OCA2: variants seen among roughly 807,000 people sequenced by gnomAD.
OCA2 encodes the protein OCA2 melanosomal transmembrane protein, also known as P protein.
Under a neutral mutation model 100.2 loss-of-function variants are expected in OCA2, and 77 were observed. The observed-to-expected ratio is 0.77, with a 90% confidence interval of 0.64 to 0.93. The LOEUF (loss-of-function observed/expected upper bound fraction) is 0.93, where lower values mean the gene tolerates loss of function less well. OCA2 is among the 40% of genes least tolerant of loss of function. OCA2 has a pLI of 0.00. For missense variants in OCA2, 1,062 were observed against 1,089.1 expected, an observed-to-expected ratio of 0.98 and a Z score of 0.35; for synonymous variants, 432 against 439.2, an observed-to-expected ratio of 0.98 and a Z score of 0.21.
chr15:27,790,349 C>A (rs975149568), intron 23 of OCA2, among the ~76,000 whole-genome samples: 1 of 152,204 alleles, frequency 6.6e-6, no homozygotes, highest in African/African-American at 2.4e-5. Flanking sequence ...GCATAGCAAA[C>A]TACCTGGCCT....
chr15:27,849,812 T>C (rs750279009), intron 22 of OCA2, among the ~76,000 whole-genome samples: 10 of 152,148 alleles, frequency 6.6e-5, no homozygotes, highest in Non-Finnish European at 1.2e-4. Flanking sequence ...AGATGGTACA[T>C]TTTAGGTTAC....
intron 22 of OCA2, among the ~76,000 whole-genome samples, chr15:27,848,734 A>G (rs911695571): frequency 2.0e-5 from 3 of 152,376 alleles, no homozygotes; most frequent in Admixed American, 2.0e-4. Flanking sequence ...ACACTCTCAG[A>G]ACAGTGAGAT....
intron 2 of OCA2, among the ~76,000 whole-genome samples, chr15:28,066,817 TA>T (rs2044038681): frequency 6.6e-6 from 1 of 152,188 alleles, no homozygotes; most frequent in Non-Finnish European, 1.5e-5. Flanking sequence ...TTCATCTACT[TA>T]AAAAGAACTT....
chr15:27,733,793 T>A, the OCA2 span, among the ~76,000 whole-genome samples: 2 of 152,194 alleles, frequency 1.3e-5, no homozygotes, highest in South Asian at 4.1e-4. Flanking sequence ...ACATTTTATG[T>A]ACATTTAACT....
chr15:28,032,508 G>A (rs1347316229), intron 2 of OCA2, among the ~76,000 whole-genome samples: 7 of 152,042 alleles, frequency 4.6e-5, no homozygotes, highest in Admixed American at 6.5e-5. Context: ...TCAGAGGGAC[G>A]GGCGCGGTGG....
At chr15:28,055,371 G>A (rs1314712683) in intron 2 of OCA2, among the ~76,000 whole-genome samples, 1 of 152,140 alleles carries the variant, frequency 6.6e-6, no homozygotes, top group African/African-American at 2.4e-5. Context: ...TGCAAAAGAA[G>A]CCTCGTCAAG....
chr15:27,890,959 A>G (rs547583270), intron 19 of OCA2, among the ~76,000 whole-genome samples: 1 of 152,042 alleles, frequency 6.6e-6, no homozygotes, highest in East Asian at 1.9e-4. Flanking sequence ...TGGGAGGCAG[A>G]GGTGGCAGTG....
intron 19 of OCA2, among the ~76,000 whole-genome samples, chr15:27,880,298 T>C (rs1455104985): frequency 3.9e-5 from 6 of 152,252 alleles, no homozygotes; most frequent in African/African-American, 1.4e-4. Context: ...TGCTGCCAGC[T>C]TTGTTCTTTT....
chr15:28,013,768 C>T (rs1285089384), intron 9 of OCA2, among the ~76,000 whole-genome samples: 2 of 152,094 alleles, frequency 1.3e-5, no homozygotes, highest in African/African-American at 4.8e-5. Flanking sequence ...GACAGCTGCC[C>T]CTGAGCCTGC....
Position 28,018,439 on chromosome 15 carries a change from G to GGTCA in OCA2, c.761_764dup (p.Gln256AspfsTer4). 2 of 1,614,092 alleles carry GGTCA rather than the reference G, an allele frequency of 1.2e-6. No homozygotes were observed. The highest frequency in any genetic ancestry group is 1.7e-6 in the Non-Finnish European group (2 of 1,180,018). ...ACCTGGAGCCCAAAGCGTCAGCCTG[G>GGTCA]GTCAGCTCCACCACGATGTGCTCTT... On this transcript the variant is annotated frameshift_variant, in exon 7 of 24. Transcript: ENST00000354638. LOFTEE classifies it high-confidence loss of function.
chr15:27,931,656 A>AT (rs11412216), intron 18 of OCA2, among the ~76,000 whole-genome samples: 108,518 of 152,130 alleles, frequency 0.71, 39,428 homozygotes, highest in East Asian at 1. Context: ...ATTTAAAAAA[A>AT]AAAACAAAAA....
At chr15:27,950,641 A>C in intron 18 of OCA2, 1 of 457,536 alleles carries the variant, frequency 2.2e-6, no homozygotes, top group South Asian at 1.6e-5. Context: ...CTGGAACTCC[A>C]GTCAAAAGCA....
chr15:27,735,107 T>A, the OCA2 span, among the ~76,000 whole-genome samples: 6 of 151,652 alleles, frequency 4.0e-5, no homozygotes, highest in South Asian at 1.3e-3. Context: ...GAAAAAAAAA[T>A]CAGTGAAATG....
In OCA2 at chr15:27,969,905, T is replaced by TAA. The variant is rs34786123; in HGVS notation, c.1504-3085_1504-3084dup. ...TCTTGAATTCTTCCATGTGAAAATTTAAAAAAAAAAAAAAGCTTCTTATGA... is the reference window on the plus strand; with the variant it reads ...TCTTGAATTCTTCCATGTGAAAATTTAAAAAAAAAAAAAAAAGCTTCTTATGA... On this transcript the variant is annotated intron_variant, in intron 14 of 23. Transcript: ENST00000354638. Among the ~76,000 whole-genome samples, 814 of 144,224 alleles carry TAA rather than the reference T, an allele frequency of 5.6e-3. 5 individuals carry two copies. Among genetic ancestry groups the TAA allele is most frequent in the Middle Eastern group, 0.011 (3 of 282 alleles). The allele number at this position is 144,224 out of a possible 152,430, so 94.6% of individuals were successfully genotyped here.
At chr15:27,831,616 C>T (rs1298854406) in intron 23 of OCA2, among the ~76,000 whole-genome samples, 8 of 152,226 alleles carry the variant, frequency 5.3e-5, no homozygotes, top group Admixed American at 3.3e-4. Context: ...AGAGTGGGCA[C>T]CCAGCTCAGA....
chr15:27,805,426 AG>A (rs1227150657), intron 23 of OCA2, among the ~76,000 whole-genome samples: 1 of 152,240 alleles, frequency 6.6e-6, no homozygotes, highest in Non-Finnish European at 1.5e-5. Context: ...GGGCCTGAGC[AG>A]GCAGATGGCT....
At chr15:28,053,365 C>A (rs1320445615) in intron 2 of OCA2, among the ~76,000 whole-genome samples, 2 of 152,140 alleles carry the variant, frequency 1.3e-5, no homozygotes, top group African/African-American at 4.8e-5. Flanking sequence ...CCAGGAAACG[C>A]CCCCCAACCT....
intron 9 of OCA2, among the ~76,000 whole-genome samples, chr15:28,010,959 T>A (rs2042222774): frequency 6.6e-6 from 1 of 152,218 alleles, no homozygotes; most frequent in Non-Finnish European, 1.5e-5. Context: ...ATCAAGATAG[T>A]GTGGTACTGG....
At chr15:27,759,079 T>C (rs1286728530) in intron 23 of OCA2, among the ~76,000 whole-genome samples, 2 of 152,106 alleles carry the variant, frequency 1.3e-5, no homozygotes, top group Non-Finnish European at 2.9e-5. Context: ...CAGAGATAAA[T>C]GACAATTTAC....
Sources: allele counts gnomAD v4.1 joint callset (sites outside exome capture counted in the v4.1 genomes callset), GRCh38; gene constraint gnomAD v4.1.1; transcripts MANE v1.5; gene names NCBI Gene and HGNC (gene_info 2026-07-23, HGNC 2026-07-21).